Variants in ZNF385B observed in about 807,000 individuals in gnomAD.
ZNF385B encodes zinc finger protein 533.
Under a neutral mutation model 39.2 loss-of-function variants are expected in ZNF385B, and 23 were observed. The ratio of observed to expected loss-of-function variants is 0.59; its 90% CI spans 0.42 to 0.83. ZNF385B has a LOEUF of 0.83. ZNF385B is among the 40% of genes least tolerant of loss of function. ZNF385B has a pLI of 0.00. For synonymous variants in ZNF385B, 205 were observed against 222.6 expected, an observed-to-expected ratio of 0.92 and a Z score of 0.70; for missense variants, 552 against 598.9, an observed-to-expected ratio of 0.92 and a Z score of 0.82.
intron 6 of ZNF385B, among the ~76,000 whole-genome samples, chr2:179,465,091 G>A (rs753736576): frequency 5.9e-5 from 9 of 151,960 alleles, no homozygotes; most frequent in Admixed American, 3.3e-4. Flanking sequence ...GTCTTCTCTT[G>A]AACTGGACAT....
intron 1 of ZNF385B, among the ~76,000 whole-genome samples, chr2:179,848,812 A>C (rs1708932568): frequency 6.6e-6 from 1 of 152,362 alleles, no homozygotes; most frequent in South Asian, 2.1e-4. Flanking sequence ...AATGATGATC[A>C]AGAGCAAACC....
intron 3 of ZNF385B, among the ~76,000 whole-genome samples, chr2:179,668,466 C>T (rs1695467470): frequency 6.6e-6 from 1 of 152,098 alleles, no homozygotes; most frequent in South Asian, 2.1e-4. Context: ...TGATGGGTTC[C>T]TCCTTTATTT....
intron 3 of ZNF385B, among the ~76,000 whole-genome samples, chr2:179,703,102 G>T (rs1699332194): frequency 6.6e-6 from 1 of 152,222 alleles, no homozygotes; most frequent in African/African-American, 2.4e-5. Flanking sequence ...CTTCTTTTTA[G>T]CCAGGGCAAA....
chr2:179,505,239 G>A (rs1375382874), intron 5 of ZNF385B, among the ~76,000 whole-genome samples: 1 of 151,796 alleles, frequency 6.6e-6, no homozygotes, highest in Non-Finnish European at 1.5e-5. Flanking sequence ...TACTGAAAAG[G>A]AGTGAATTTT....
chr2:179,813,643 T>C (rs953618831), intron 1 of ZNF385B, among the ~76,000 whole-genome samples: 1 of 152,198 alleles, frequency 6.6e-6, no homozygotes, highest in African/African-American at 2.4e-5. Context: ...CAAATAAATA[T>C]GTTTAAAAAA....
chr2:179,586,297 T>A (rs1687065121), intron 3 of ZNF385B, among the ~76,000 whole-genome samples: 1 of 152,224 alleles, frequency 6.6e-6, no homozygotes, highest in Admixed American at 6.5e-5. Flanking sequence ...CGAAACCACT[T>A]TTTTGCATGC....
chr2:179,664,100 C>T (rs1575136738), intron 3 of ZNF385B, among the ~76,000 whole-genome samples: 2 of 129,446 alleles, frequency 1.5e-5, no homozygotes. Flanking sequence ...CTTTTGGTTT[C>T]TCTTTGGCTT....
At chr2:179,660,164 C>G (rs1694300252) in intron 3 of ZNF385B, 1 of 152,460 alleles carries the variant, frequency 6.6e-6, no homozygotes, top group Non-Finnish European at 1.5e-5. Context: ...GGTACATTAA[C>G]CTGCCACCGG....
At chr2:179,503,917 G>A (rs2056999019) in intron 5 of ZNF385B, among the ~76,000 whole-genome samples, 2 of 129,736 alleles carry the variant, frequency 1.5e-5, no homozygotes, top group Admixed American at 8.8e-5. Flanking sequence ...GGGTACATGT[G>A]CACATTGTGC....
intron 3 of ZNF385B, among the ~76,000 whole-genome samples, chr2:179,686,586 C>G (rs1697941407): frequency 6.6e-6 from 1 of 152,022 alleles, no homozygotes. Context: ...GAAGGGTAAA[C>G]AATGTGAATG....
chr2:179,819,005 A>T (rs968204479), intron 1 of ZNF385B, among the ~76,000 whole-genome samples: 9 of 145,980 alleles, frequency 6.2e-5, no homozygotes, highest in Non-Finnish European at 1.0e-4. Flanking sequence ...TCATAGATAT[A>T]TATGTATAAA....
chr2:179,492,896 C>T (rs748267024), intron 5 of ZNF385B, among the ~76,000 whole-genome samples: 6 of 151,952 alleles, frequency 3.9e-5, no homozygotes, highest in African/African-American at 2.4e-5. Context: ...ATGCTAAGGC[C>T]GTTTCTGTAG....
intron 1 of ZNF385B, among the ~76,000 whole-genome samples, chr2:179,812,674 C>A (rs532734178): frequency 2.6e-5 from 4 of 152,082 alleles, no homozygotes; most frequent in South Asian, 2.1e-4. Flanking sequence ...AAAGGGTTGA[C>A]AAACTATTGA....
chr2:179,646,299 C>T (rs1194830716), intron 3 of ZNF385B, among the ~76,000 whole-genome samples: 1 of 152,186 alleles, frequency 6.6e-6, no homozygotes, highest in East Asian at 1.9e-4. Flanking sequence ...CCTGGAAACC[C>T]AGCTACTCAG....
At chr2:179,802,836 G>A (rs962184909) in intron 1 of ZNF385B, among the ~76,000 whole-genome samples, 3 of 152,080 alleles carry the variant, frequency 2.0e-5, no homozygotes, top group African/African-American at 7.2e-5. Context: ...AAGGTCTGCT[G>A]TTCTGCTTTC....
At chr2:179,667,448 C>A (rs1013319737) in intron 3 of ZNF385B, among the ~76,000 whole-genome samples, 5 of 152,130 alleles carry the variant, frequency 3.3e-5, no homozygotes, top group African/African-American at 9.7e-5. Context: ...AGAAATGTGT[C>A]CAGTGCTTGC....
At chr2:179,533,303 C>A (rs537658170) in intron 4 of ZNF385B, among the ~76,000 whole-genome samples, 1 of 152,260 alleles carries the variant, frequency 6.6e-6, no homozygotes, top group East Asian at 1.9e-4. Context: ...TTTACTCCCC[C>A]CACCACCTCA....
chr2:179,712,807 A>G (rs1575316836), intron 3 of ZNF385B, among the ~76,000 whole-genome samples: 1 of 152,204 alleles, frequency 6.6e-6, no homozygotes, highest in African/African-American at 2.4e-5. Context: ...CCTTCAATCC[A>G]TTGTGTAGAC....
chr2:179,754,927 C>T (rs878923205), intron 3 of ZNF385B, among the ~76,000 whole-genome samples: 1 of 152,228 alleles, frequency 6.6e-6, no homozygotes. Flanking sequence ...GTGTCTCTAT[C>T]TCCTTCACTT....
Sources: gnomAD v4.1 joint callset for allele counts (sites outside exome capture counted in the v4.1 genomes callset) on GRCh38, gnomAD v4.1.1 for gene constraint, MANE v1.5 for transcripts, NCBI Gene and HGNC (gene_info 2026-07-23, HGNC 2026-07-21) for gene names.